MIPOL1: variants seen among roughly 807,000 people sequenced by gnomAD.
MIPOL1 encodes the protein mirror-image polydactyly 1.
In MIPOL1, 57 loss-of-function variants were observed where a neutral mutation model predicts 60.9. That is an observed-to-expected ratio of 0.94 (90% CI 0.76 to 1.17). The LOEUF (loss-of-function observed/expected upper bound fraction) is 1.17. MIPOL1 is among the 50% of genes most tolerant of loss of function. The pLI, the probability that MIPOL1 is intolerant of heterozygous loss-of-function variation, is 0.00. For synonymous variants in MIPOL1, 179 were observed against 168.8 expected (o/e 1.06, Z -0.47); for missense variants, 551 against 511.6 (o/e 1.08, Z -0.74).
intron 1 of MIPOL1, among the ~76,000 whole-genome samples, chr14:37,199,919 T>C (rs1271632828): frequency 1.7e-4 from 26 of 152,226 alleles, no homozygotes; most frequent in Non-Finnish European, 2.2e-4. Context: ...CTGAAAAGTT[T>C]TTCATATTGT....
chr14:37,427,905 A>AGGAACCTTCACATAAAAT, intron 11 of MIPOL1, among the ~76,000 whole-genome samples: 1 of 152,202 alleles, frequency 6.6e-6, no homozygotes, highest in African/African-American at 2.4e-5. Context: ...TTTTATGTGA[A>AGGAACCTTCACATAAAAT]GGAACCTAAA....
chr14:37,364,610 G>A (rs1299817856), intron 9 of MIPOL1, among the ~76,000 whole-genome samples: 1 of 152,086 alleles, frequency 6.6e-6, no homozygotes, highest in Admixed American at 6.6e-5. Flanking sequence ...GAACCATACT[G>A]TTTTGTTTAC....
At chr14:37,451,013 A>G (rs951380177) in intron 11 of MIPOL1, among the ~76,000 whole-genome samples, 2 of 152,222 alleles carry the variant, frequency 1.3e-5, no homozygotes, top group African/African-American at 4.8e-5. Context: ...AAGTGGTATT[A>G]CAACTGTATT....
At chr14:37,378,365 C>T (rs375503561) in intron 10 of MIPOL1, among the ~76,000 whole-genome samples, 1 of 151,976 alleles carries the variant, frequency 6.6e-6, no homozygotes, top group African/African-American at 2.4e-5. Flanking sequence ...TATTGATACA[C>T]CCATGACTCA....
chr14:37,356,154 G>A (rs1418265106), intron 9 of MIPOL1, among the ~76,000 whole-genome samples: 1 of 151,340 alleles, frequency 6.6e-6, no homozygotes. Context: ...AGGTCTGTTG[G>A]AATACCCTGC....
chr14:37,285,326 G>C lies in MIPOL1; in HGVS notation c.502G>C (p.Glu168Gln), dbSNP rs2084461868. 6.2e-7 allele frequency: 1 copy of C among 1,613,976 alleles called. No individual in the cohort carries two copies. The highest frequency in any genetic ancestry group is 8.5e-7 in the Non-Finnish European group (1 of 1,179,944). The change falls in exon 7 of 13, where the codon GAA becomes CAA. Residue 168 changes from glutamate to glutamine, a missense_variant. By Grantham distance (29) the Glu-to-Gln change is conservative (BLOSUM62 2). Coordinates refer to ENST00000684589, the MANE Select transcript of MIPOL1 (RefSeq NM_001388067.1). Reference protein sequence around the residue: ...KIAEKTAALVEEVYFAQKERD... With the variant: ...KIAEKTAALVQEVYFAQKERD... The stretch of plus-strand genomic sequence containing the variant: ...TTTATATATTTTGGTAGCTCTGGTT[G>C]AAGAAGTGTATTTTGCGCAGAAGGA...
intron 12 of MIPOL1, among the ~76,000 whole-genome samples, chr14:37,532,328 T>C (rs759130315): frequency 6.6e-5 from 10 of 152,172 alleles, no homozygotes; most frequent in Non-Finnish European, 1.3e-4. Flanking sequence ...AGAGTTAATG[T>C]GTTCCTATGT....
chr14:37,505,133 C>T (rs1231593691), intron 12 of MIPOL1: 1 of 152,108 alleles, frequency 6.6e-6, no homozygotes, highest in South Asian at 2.1e-4. Context: ...CAAAAAAAGT[C>T]CAGAACCAGA....
At chr14:37,328,599 A>G (rs1595162753) in intron 9 of MIPOL1, among the ~76,000 whole-genome samples, 1 of 152,222 alleles carries the variant, frequency 6.6e-6, no homozygotes, top group African/African-American at 2.4e-5. Context: ...TTGTCAGATT[A>G]CCATAAAATG....
In MIPOL1 at chr14:37,357,264, T is replaced by C. The variant is rs1425784230; in HGVS notation, c.829-12253T>C. On this transcript the variant is annotated intron_variant, in intron 9 of 12. Coordinates refer to ENST00000684589, the MANE Select transcript of MIPOL1 (RefSeq NM_001388067.1). ...TGCAAGTATTTTCTCCCATATTGTC[T>C]CTTCACTTTGTTGATTGTTTCCTAT... is the stretch of plus-strand genomic sequence containing the variant. Among the ~76,000 whole-genome samples, 4 of 152,230 alleles carry C rather than the reference T, an allele frequency of 2.6e-5. 1 individual carries two copies. Among genetic ancestry groups the C allele is most frequent in the African/African-American group, 9.6e-5 (4 of 41,466 alleles).
chr14:37,540,954 C>T, intron 12 of MIPOL1, among the ~76,000 whole-genome samples: 1 of 152,148 alleles, frequency 6.6e-6, no homozygotes, highest in Non-Finnish European at 1.5e-5. Context: ...TTCTGATCTC[C>T]TGATCAATGC....
intron 1 of MIPOL1, among the ~76,000 whole-genome samples, chr14:37,227,484 G>A (rs566020931): frequency 3.3e-5 from 5 of 152,106 alleles, no homozygotes; most frequent in Non-Finnish European, 5.9e-5. Flanking sequence ...TGTGTGGTGT[G>A]TGTGTTTGTG....
intron 9 of MIPOL1, among the ~76,000 whole-genome samples, chr14:37,334,094 GA>G (rs1417783630): frequency 1.3e-5 from 2 of 152,004 alleles, no homozygotes; most frequent in Admixed American, 1.3e-4. Flanking sequence ...ATGTAAAGTA[GA>G]AAGGGAAATT....
chr14:37,299,239 T>A (rs112643636), intron 7 of MIPOL1, among the ~76,000 whole-genome samples: 21 of 151,318 alleles, frequency 1.4e-4, no homozygotes, highest in Non-Finnish European at 8.8e-5. Flanking sequence ...TAGGTGAGAA[T>A]TGAACAATGA....
Position 37,343,052 on chromosome 14 carries a change from G to A in MIPOL1, c.829-26465G>A, listed in dbSNP as rs1233053655. Among the ~76,000 whole-genome samples the A allele has an allele frequency of 3.3e-5, 5 of 150,416 alleles. 1 individual carries two copies. Among genetic ancestry groups the A allele is most frequent in the Non-Finnish European group, 5.9e-5 (4 of 67,628 alleles). Reference sequence around the variant, plus strand: ...TGTCATTGCATGGCATATATTGCCTGGTGGGTGCTGATATGTTGCCTAATG... The same window carrying A: ...TGTCATTGCATGGCATATATTGCCTAGTGGGTGCTGATATGTTGCCTAATG... On this transcript the variant is annotated intron_variant, in intron 9 of 12. Transcript: ENST00000684589.
At chr14:37,414,199 T>G (rs1366671759) in intron 10 of MIPOL1, among the ~76,000 whole-genome samples, 1 of 152,166 alleles carries the variant, frequency 6.6e-6, no homozygotes, top group Non-Finnish European at 1.5e-5. Flanking sequence ...TAAGTTGACT[T>G]CTCCCAGTTT....
chr14:37,452,092 A>G (rs935913539), intron 11 of MIPOL1, among the ~76,000 whole-genome samples: 2 of 151,746 alleles, frequency 1.3e-5, no homozygotes, highest in African/African-American at 4.8e-5. Flanking sequence ...TGGGATTACA[A>G]GCGTGAGCCA....
chr14:37,236,191 G>C (rs1971450587), intron 1 of MIPOL1, among the ~76,000 whole-genome samples: 1 of 152,048 alleles, frequency 6.6e-6, no homozygotes. Context: ...CTCCCAAACT[G>C]CTAGGATTAC....
intron 11 of MIPOL1, among the ~76,000 whole-genome samples, chr14:37,450,321 A>T (rs2094399187): frequency 6.6e-6 from 1 of 152,132 alleles, no homozygotes. Flanking sequence ...TGTGTCTCAG[A>T]TTCTGTATCT....
Sources: allele counts gnomAD v4.1 joint callset (sites outside exome capture counted in the v4.1 genomes callset), GRCh38; gene constraint gnomAD v4.1.1; transcripts MANE v1.5; gene names NCBI Gene and HGNC (gene_info 2026-07-23, HGNC 2026-07-21).